Variants in TACC1 observed in about 807,000 individuals in gnomAD.
TACC1 encodes the protein transforming acidic coiled-coil containing protein 1, also known as transforming acidic coiled-coil-containing protein 1.
A neutral mutation model predicts 84.4 loss-of-function variants in TACC1; 48 were observed. That is an observed-to-expected ratio of 0.57 (90% CI 0.45 to 0.72). TACC1 has a LOEUF of 0.72. Ranked by LOEUF, TACC1 falls within the 30% of genes least tolerant of loss-of-function variation. The probability of loss-of-function intolerance (pLI) is 0.00; values close to 1 mark genes in which losing one functional copy is unlikely to be tolerated. For synonymous variants in TACC1, 372 were observed against 376.3 expected (o/e 0.99, Z 0.13); for missense variants, 920 against 973.0 (o/e 0.95, Z 0.72).
chr8:38,852,010 A>G lies in TACC1; in HGVS notation c.*3987A>G. 2.2e-6 allele frequency: 1 copy of G among 455,778 alleles called. No homozygotes were observed. Among genetic ancestry groups the G allele is most frequent in the Non-Finnish European group, 4.4e-6 (1 of 226,636 alleles). The allele number at this position is 455,778 out of a possible 1,614,324, so 28.2% of individuals were successfully genotyped here. On this transcript the variant is annotated 3_prime_UTR_variant, in exon 13 of 13. Transcript: ENST00000317827. ...CCTTGAGTCTCCATAGAGTAACAGT[A>G]AAGAAACTGATGTAACAGACTCTCC...
chr8:38,798,054 A>C lies in TACC1; in HGVS notation c.277+9235A>C, dbSNP rs997436273. Among the ~76,000 whole-genome samples the C allele has an allele frequency of 3.9e-5, 6 of 152,050 alleles. No individual in the cohort carries two copies. The East Asian group carries it at 1.2e-3, about 29-fold the overall frequency. On this transcript the variant is annotated intron_variant, in intron 2 of 12. Transcript: ENST00000317827. ...TCCTGGTGGGTGGACACTTCCTGAT[A>C]AGCAAGTCCCATCCTCTTACCTTAT...
At chr8:38,808,318 T>C (rs1010030114) in intron 2 of TACC1, among the ~76,000 whole-genome samples, 3 of 152,256 alleles carry the variant, frequency 2.0e-5, no homozygotes, top group Non-Finnish European at 4.4e-5. Context: ...CTCTTCATTA[T>C]GGGAGATTGG....
intron 3 of TACC1, among the ~76,000 whole-genome samples, chr8:38,824,335 G>C (rs1247600072): frequency 2.0e-5 from 3 of 152,112 alleles, no homozygotes; most frequent in Non-Finnish European, 4.4e-5. Flanking sequence ...GTGGTTTGAG[G>C]GACTGTTCTG....
intron 3 of TACC1, among the ~76,000 whole-genome samples, chr8:38,774,948 T>C (rs1190314215): frequency 6.8e-6 from 1 of 147,034 alleles, no homozygotes; most frequent in East Asian, 2.0e-4. Flanking sequence ...GAGGCAGAGG[T>C]TGCAGTGAGC....
chr8:38,793,879 A>G (rs1819346410), intron 2 of TACC1, among the ~76,000 whole-genome samples: 7 of 152,262 alleles, frequency 4.6e-5, no homozygotes, highest in Admixed American at 4.6e-4. Context: ...TAACATATTT[A>G]CTATCTTGTA....
At chr8:38,840,859 G>GC (rs1831131590) in intron 9 of TACC1, among the ~76,000 whole-genome samples, 1 of 152,126 alleles carries the variant, frequency 6.6e-6, no homozygotes, top group Non-Finnish European at 1.5e-5. Context: ...AAAACAGCCT[G>GC]ACCAACATGG....
At chr8:38,749,746 C>T (rs1808706521) in intron 3 of TACC1, among the ~76,000 whole-genome samples, 1 of 152,098 alleles carries the variant, frequency 6.6e-6, no homozygotes, top group Admixed American at 6.5e-5. Flanking sequence ...CACGCACAAC[C>T]ACGCCTGGCT....
rs1364545193 is a variant in TACC1 at position 38,850,994 on chromosome 8, G to A, written c.*2971G>A. On this transcript the variant is annotated 3_prime_UTR_variant, in exon 13 of 13. Coordinates refer to ENST00000317827, the MANE Select transcript of TACC1 (RefSeq NM_006283.3). ...TGAGGCCAACTGAACAATTCCCCCC[G>A]TGGCTGCCCAGATAGTCACAGTCAA... 2 of 152,488 alleles carry A rather than the reference G, an allele frequency of 1.3e-5. No individual in the cohort carries two copies. The highest frequency in any genetic ancestry group is 6.6e-5 in the Admixed American group (1 of 15,254). 9.4% of individuals were successfully genotyped at this position (152,488 alleles called of 1,614,324 possible).
intron 1 of TACC1, among the ~76,000 whole-genome samples, chr8:38,730,722 T>C (rs1321302889): frequency 6.6e-6 from 1 of 152,122 alleles, no homozygotes; most frequent in Non-Finnish European, 1.5e-5. Context: ...AAGAAGGACA[T>C]TGTTGTGAGT....
chr8:38,846,875 G>T, intron 12 of TACC1, 56 bp downstream of exon 12: 1 of 1,599,448 alleles, frequency 6.3e-7, no homozygotes, highest in Non-Finnish European at 8.5e-7. Flanking sequence ...TTCCTCCTCA[G>T]CAGTGACTCA....
intron 2 of TACC1, among the ~76,000 whole-genome samples, chr8:38,798,128 CT>C (rs372828458): frequency 2.1e-3 from 300 of 144,476 alleles, no homozygotes; most frequent in Admixed American, 2.4e-3. Flanking sequence ...ATTTTTCTTC[CT>C]TTTTTTTTTT....
exon 2 of TACC1, chr8:38,742,368 C>T (rs769441720): frequency 6.8e-7 from 1 of 1,466,044 alleles, no homozygotes; most frequent in South Asian, 1.3e-5. Flanking sequence ...GGTTCCAAGG[C>T]CAGAGAGAGG....
chr8:38,787,384 CGAG>C lies in TACC1; in HGVS notation c.-193_-191del. The C allele has an allele frequency of 7.4e-7, 1 of 1,352,064 alleles. No homozygotes were observed. The allele number at this position is 1,352,064 out of a possible 1,614,324, so 83.8% of individuals were successfully genotyped here. A position where few individuals can be genotyped will look rare whatever the true frequency, so the allele number is the denominator to read the frequency against. ...CGGCCGCACCGTGAGGGGAGGAGGCCGAGGAGGACGCAGCGCCGGCTGCCGGCG... is the reference window on the plus strand; with the variant it reads ...CGGCCGCACCGTGAGGGGAGGAGGCCGAGGACGCAGCGCCGGCTGCCGGCG... On this transcript the variant is annotated 5_prime_UTR_variant, in exon 1 of 13. Transcript: ENST00000317827.
intron 3 of TACC1, among the ~76,000 whole-genome samples, chr8:38,823,809 ATCAT>A (rs1827415498): frequency 6.6e-6 from 1 of 152,186 alleles, no homozygotes; most frequent in Non-Finnish European, 1.5e-5. Flanking sequence ...AGGTCTGTTC[ATCAT>A]TCACTCACTG....
chr8:38,834,981 C>T (rs1364260537), intron 6 of TACC1, among the ~76,000 whole-genome samples: 6 of 152,124 alleles, frequency 3.9e-5, no homozygotes, highest in African/African-American at 9.7e-5. Context: ...TGGCCAGGCG[C>T]GGTGGCTCAC....
intron 4 of TACC1, among the ~76,000 whole-genome samples, chr8:38,826,200 G>T (rs573910667): frequency 1.3e-5 from 2 of 152,096 alleles, no homozygotes; most frequent in South Asian, 2.1e-4. Flanking sequence ...TAAAAAAGGG[G>T]TGTGATGGGG....
At chr8:38,745,381 A>T (rs1807869599) in exon 3 of TACC1, 1 of 616,674 alleles carries the variant, frequency 1.6e-6, no homozygotes, top group South Asian at 1.9e-5. Flanking sequence ...CATATCCAAG[A>T]TTGAAACCCA....
intron 1 of TACC1, among the ~76,000 whole-genome samples, chr8:38,740,963 C>G (rs941152594): frequency 6.6e-6 from 1 of 152,094 alleles, no homozygotes; most frequent in Non-Finnish European, 1.5e-5. Flanking sequence ...CTCTCTGGCT[C>G]GCGAGTATCC....
chr8:38,836,315 A>T, intron 7 of TACC1, 28 bp downstream of exon 7: 2 of 1,598,052 alleles, frequency 1.3e-6, no homozygotes, highest in Non-Finnish European at 1.7e-6. Flanking sequence ...TAGTCTGCTT[A>T]TCACTCCATT....
Sources: allele counts gnomAD v4.1 joint callset (sites outside exome capture counted in the v4.1 genomes callset), GRCh38; gene constraint gnomAD v4.1.1; transcripts MANE v1.5; gene names NCBI Gene and HGNC (gene_info 2026-07-23, HGNC 2026-07-21).